Variants in RSF1 observed in about 807,000 individuals in gnomAD.
RSF1 encodes remodeling and spacing factor 1, also known as HBV pX-associated protein 8.
Under a neutral mutation model 145.2 loss-of-function variants are expected in RSF1, and 13 were observed. That is an observed-to-expected ratio of 0.09 (90% CI 0.06 to 0.14). RSF1 has a LOEUF of 0.14. Ranked by LOEUF, RSF1 falls within the 10% of genes least tolerant of loss-of-function variation. The probability of loss-of-function intolerance (pLI) is 1.00; values close to 1 mark genes in which losing one functional copy is unlikely to be tolerated. For synonymous variants in RSF1, 577 were observed against 592.6 expected (o/e 0.97, Z 0.38); for missense variants, 1,517 against 1,718.2 (o/e 0.88, Z 2.07).
intron 1 of RSF1, among the ~76,000 whole-genome samples, chr11:77,765,745 G>T (rs1804726000): frequency 6.6e-6 from 1 of 152,078 alleles, no homozygotes. Context: ...GTCAAAATAA[G>T]CATTTTTCTT....
rs538447428 is a variant in RSF1, at chr11:77,778,286, GA to G, written c.188-13598del. Among the ~76,000 whole-genome samples the G allele has an allele frequency of 3.5e-3, 460 of 132,960 alleles. 3 individuals are homozygous for G. The highest frequency in any genetic ancestry group is 0.012 in the African/African-American group (423 of 35,190). 87.2% of individuals were successfully genotyped at this position (132,960 alleles called of 152,430 possible). A position where few individuals can be genotyped will look rare whatever the true frequency, so the allele number is the denominator to read the frequency against. ...GGGGAGAGGATGGGGGAGGGGAGGG[GA>G]AAAAATACCTTCAGGCTTTAGAGAA... is the stretch of plus-strand genomic sequence containing the variant. On this transcript the variant is annotated intron_variant, in intron 1 of 15. Transcript: ENST00000308488.
intron 7 of RSF1, 31 bp from the exon 8 acceptor site, chr11:77,693,642 T>C: frequency 1.3e-6 from 2 of 1,495,458 alleles, no homozygotes; most frequent in South Asian, 2.3e-5. Flanking sequence ...TCAACCTAAC[T>C]ATGACTAAAA....
At chr11:77,845,845 A>G in the RSF1 span, among the ~76,000 whole-genome samples, 1 of 152,106 alleles carries the variant, frequency 6.6e-6, no homozygotes, top group Admixed American at 6.6e-5. Flanking sequence ...TTTGGCTCCT[A>G]TTACATATTT....
intron 1 of RSF1, among the ~76,000 whole-genome samples, chr11:77,775,740 G>C (rs1948335808): frequency 6.6e-6 from 1 of 152,184 alleles, no homozygotes; most frequent in Admixed American, 6.5e-5. Flanking sequence ...TTTAACATCA[G>C]CCTGGGAAAT....
chr11:77,682,235 T>C (rs1959882042), intron 11 of RSF1, among the ~76,000 whole-genome samples: 1 of 152,208 alleles, frequency 6.6e-6, no homozygotes, highest in Non-Finnish European at 1.5e-5. Context: ...TATAAAGTTT[T>C]AACACTAACA....
chr11:77,841,952 C>T, the RSF1 span, among the ~76,000 whole-genome samples: 1 of 152,292 alleles, frequency 6.6e-6, no homozygotes, highest in Non-Finnish European at 1.5e-5. Context: ...CATGTTCTGC[C>T]CCAACCTACT....
intron 1 of RSF1, among the ~76,000 whole-genome samples, chr11:77,816,013 G>T (rs529526234): frequency 2.8e-4 from 43 of 152,248 alleles, no homozygotes; most frequent in Non-Finnish European, 4.6e-4. Context: ...CTAGGACAAT[G>T]ACAACAACCT....
chr11:77,695,034 TTTGGTCAC>T (rs1960247904), intron 7 of RSF1, among the ~76,000 whole-genome samples: 1 of 152,212 alleles, frequency 6.6e-6, no homozygotes, highest in Non-Finnish European at 1.5e-5. Context: ...TGTTATTAAC[TTTGGTCAC>T]TTGGTTAAAG....
chr11:77,696,499 A>C (rs747050707), intron 7 of RSF1, among the ~76,000 whole-genome samples: 1 of 152,224 alleles, frequency 6.6e-6, no homozygotes, highest in Non-Finnish European at 1.5e-5. Flanking sequence ...ATAAGAATCT[A>C]CCATATTTGG....
At chr11:77,735,998 A>C (rs894787088) in intron 4 of RSF1, among the ~76,000 whole-genome samples, 3 of 152,230 alleles carry the variant, frequency 2.0e-5, no homozygotes, top group African/African-American at 7.2e-5. Flanking sequence ...TGGCCTCCCA[A>C]AGTGCTGGGA....
chr11:77,812,856 C>G (rs1227744819), intron 1 of RSF1, among the ~76,000 whole-genome samples: 2 of 146,604 alleles, frequency 1.4e-5, no homozygotes, highest in African/African-American at 5.1e-5. Flanking sequence ...CACTACTACA[C>G]TCTAGCCTGG....
rs1491408274 is a variant in RSF1 at position 77,661,436 on chromosome 11, GAT to G, written c.*5479_*5480del. 4.0e-5 allele frequency: 6 copies of G among 148,882 alleles called. No homozygotes were observed. The highest frequency in any genetic ancestry group is 1.5e-4 in the African/African-American group (6 of 39,076). 9.2% of individuals were successfully genotyped at this position (148,882 alleles called of 1,614,324 possible). ...AAAATCCATTTACTAATATAAGCTAGATGTGTGTGTGTGTGTGTGTGTGTGTG... is the reference window on the plus strand; with the variant it reads ...AAAATCCATTTACTAATATAAGCTAGGTGTGTGTGTGTGTGTGTGTGTGTG... On this transcript the variant is annotated 3_prime_UTR_variant, in exon 16 of 16. Coordinates refer to ENST00000308488, the MANE Select transcript of RSF1 (RefSeq NM_016578.4).
intron 5 of RSF1, among the ~76,000 whole-genome samples, chr11:77,708,521 G>C (rs1222455459): frequency 2.0e-5 from 3 of 152,100 alleles, no homozygotes; most frequent in Non-Finnish European, 4.4e-5. Flanking sequence ...ATATCCTCTA[G>C]CCCACTCAGA....
At chr11:77,726,569 A>G (rs1961058070) in intron 4 of RSF1, among the ~76,000 whole-genome samples, 1 of 152,314 alleles carries the variant, frequency 6.6e-6, no homozygotes, top group Non-Finnish European at 1.5e-5. Flanking sequence ...TCTTGCTCAG[A>G]CAAGCAAGAA....
intron 11 of RSF1, among the ~76,000 whole-genome samples, chr11:77,681,372 T>C (rs748027167): frequency 2.0e-5 from 3 of 152,236 alleles, no homozygotes; most frequent in Non-Finnish European, 4.4e-5. Context: ...AAACATGATA[T>C]GTATTTCATT....
intron 4 of RSF1, 123 bp from the exon 5 acceptor site, chr11:77,725,822 G>A: frequency 4.6e-6 from 3 of 655,760 alleles, no homozygotes; most frequent in Non-Finnish European, 6.8e-6. Context: ...CAAAAACACT[G>A]GTACAGCTAG....
chr11:77,740,688 C>T (rs538743360), intron 4 of RSF1, 43 bp downstream of exon 4: 1 of 1,549,486 alleles, frequency 6.5e-7, no homozygotes, highest in East Asian at 2.2e-5. Context: ...GATCAATGTA[C>T]AAAACACACA....
the RSF1 span, chr11:77,870,052 CA>C: frequency 3.0e-6 from 1 of 335,422 alleles, no homozygotes; most frequent in South Asian, 6.5e-5. Flanking sequence ...TCAAGTTCTA[CA>C]AGGATCACTA....
At chr11:77,739,963 T>A (rs1961467995) in intron 4 of RSF1, among the ~76,000 whole-genome samples, 1 of 152,232 alleles carries the variant, frequency 6.6e-6, no homozygotes, top group Non-Finnish European at 1.5e-5. Context: ...AGTGCAATGT[T>A]CCCAAGATTT....
Sources: allele counts gnomAD v4.1 joint callset (sites outside exome capture counted in the v4.1 genomes callset), GRCh38; gene constraint gnomAD v4.1.1; transcripts MANE v1.5; gene names NCBI Gene and HGNC (gene_info 2026-07-23, HGNC 2026-07-21).